MECR: variants seen among roughly 807,000 people sequenced by gnomAD.
The protein encoded by MECR is enoyl-[acyl-carrier-protein] reductase, mitochondrial.
MECR carries 37 observed loss-of-function variants against 49.1 expected under a neutral mutation model. The observed-to-expected ratio is 0.75, with a 90% CI of 0.58 to 0.99. MECR has a LOEUF of 0.99. Ranked by LOEUF, MECR falls within the 50% of genes least tolerant of loss-of-function variation. The pLI is 0.00. For missense variants in MECR, 470 were observed against 479.6 expected (o/e 0.98, Z 0.19); for synonymous variants, 198 against 191.1 (o/e 1.04, Z -0.30).
At chr1:29,224,665 A>G (rs1292952495) in intron 1 of MECR, 1 of 152,246 alleles carries the variant, frequency 6.6e-6, no homozygotes, top group Non-Finnish European at 1.5e-5. Context: ...GCATGGGGAC[A>G]GCACACATAC....
the MECR span, chr1:29,181,797 A>AGGCGGCGGCGGGCAAAGCGAGAGCACGGC: frequency 1.3e-6 from 2 of 1,498,532 alleles, no homozygotes; most frequent in Non-Finnish European, 1.8e-6. Context: ...AGCCCCCCTT[A>AGGCGGCGGCGGGCAAAGCGAGAGCACGGC]GGCGGCGGCG....
intron 4 of MECR, 147 bp downstream of exon 4, chr1:29,206,615 G>T: frequency 2.2e-6 from 2 of 902,362 alleles, no homozygotes; most frequent in Non-Finnish European, 3.3e-6. Context: ...ATCTTTCTAA[G>T]TGAAAGCAAC....
chr1:29,187,767 T>C (rs1205603903), downstream of MECR, among the ~76,000 whole-genome samples: 1 of 149,116 alleles, frequency 6.7e-6, no homozygotes, highest in African/African-American at 2.5e-5. Flanking sequence ...CCAGGCGAGG[T>C]GGCTCACGCC....
intron 7 of MECR, among the ~76,000 whole-genome samples, chr1:29,197,201 C>G (rs915770326): frequency 6.6e-6 from 1 of 152,218 alleles, no homozygotes; most frequent in Admixed American, 6.5e-5. Context: ...ATGCTCTCCC[C>G]AGATGAGCTC....
chr1:29,227,029 T>C (rs1407670831), intron 1 of MECR, among the ~76,000 whole-genome samples: 2 of 141,316 alleles, frequency 1.4e-5, no homozygotes, highest in Non-Finnish European at 3.0e-5. Context: ...TGTGGTGCAA[T>C]CTCAGCTCAC....
chr1:29,179,903 T>C, the MECR span, among the ~76,000 whole-genome samples: 1 of 152,240 alleles, frequency 6.6e-6, no homozygotes, highest in African/African-American at 2.4e-5. Context: ...ATACATTTGG[T>C]TGATGAATCA....
rs1681148598 is a variant in MECR, at chr1:29,223,017, T to C, written c.177-6332A>G. 6 of 885,034 alleles carry C rather than the reference T, an allele frequency of 6.8e-6. No individual in the cohort carries two copies. The South Asian group carries it at 2.6e-4, about 38-fold the overall frequency. 54.8% of individuals were successfully genotyped at this position (885,034 alleles called of 1,614,324 possible). ...AACCTCTAGTGTAATGATAGCAATTTCTTCCCTGTTCTTTAAAAAAACAAA... is the reference window on the plus strand; with the variant it reads ...AACCTCTAGTGTAATGATAGCAATTCCTTCCCTGTTCTTTAAAAAAACAAA... On this transcript the variant is annotated intron_variant, in intron 1 of 9. Coordinates refer to ENST00000263702, the MANE Select transcript of MECR (RefSeq NM_016011.5).
chr1:29,184,066 G>A, the MECR span, among the ~76,000 whole-genome samples: 1 of 146,880 alleles, frequency 6.8e-6, no homozygotes, highest in Non-Finnish European at 1.5e-5. Context: ...TTTTAGTAGA[G>A]AAGGGGTTTC....
intron 8 of MECR, 37 bp downstream of exon 8, chr1:29,196,161 C>T (rs1673930551): frequency 5.0e-6 from 8 of 1,613,188 alleles, no homozygotes; most frequent in African/African-American, 1.3e-5. Flanking sequence ...GGTGTCTGGC[C>T]CGGCTCCAGG....
chr1:29,171,065 TAAG>T, the MECR span: 1 of 152,148 alleles, frequency 6.6e-6, no homozygotes, highest in Non-Finnish European at 1.5e-5. Context: ...CAGGGTACTA[TAAG>T]ACCAGACGGC....
chr1:29,190,045 C>T (rs1038188192), downstream of MECR, among the ~76,000 whole-genome samples: 1 of 152,300 alleles, frequency 6.6e-6, no homozygotes, highest in East Asian at 1.9e-4. Flanking sequence ...GTTGGGGATT[C>T]TGGGTGTCAG....
chr1:29,230,673 G>C (rs1683195269), intron 1 of MECR, 58 bp downstream of exon 1: 1 of 1,531,308 alleles, frequency 6.5e-7, no homozygotes, highest in Non-Finnish European at 8.8e-7. Flanking sequence ...TCCGCAGCTC[G>C]TGTTAAAGCC....
chr1:29,214,535 T>A (rs755088205), intron 3 of MECR, among the ~76,000 whole-genome samples: 7 of 150,360 alleles, frequency 4.7e-5, no homozygotes, highest in South Asian at 4.2e-4. Flanking sequence ...CTAATTTTTT[T>A]ATTTTTATTA....
chr1:29,180,324 T>G, the MECR span, among the ~76,000 whole-genome samples: 2 of 152,232 alleles, frequency 1.3e-5, no homozygotes, highest in Non-Finnish European at 2.9e-5. Context: ...AATATATCCT[T>G]AAGAACTGAA....
downstream of MECR, among the ~76,000 whole-genome samples, chr1:29,192,317 C>T (rs1231755050): frequency 6.6e-6 from 1 of 152,160 alleles, no homozygotes; most frequent in Non-Finnish European, 1.5e-5. Context: ...CCTCTAAACT[C>T]TCATGTGCTG....
At chr1:29,198,266 T>TG (rs1000141829) in intron 7 of MECR, among the ~76,000 whole-genome samples, 1 of 152,218 alleles carries the variant, frequency 6.6e-6, no homozygotes, top group Admixed American at 6.5e-5. Flanking sequence ...GTCTGCGGCC[T>TG]GGGGGCTGGG....
At chr1:29,173,687 G>A in the MECR span, among the ~76,000 whole-genome samples, 2 of 148,018 alleles carry the variant, frequency 1.4e-5, no homozygotes, top group Non-Finnish European at 3.0e-5. Context: ...GACCTCAAGT[G>A]ATCCGCCCAC....
downstream of MECR, among the ~76,000 whole-genome samples, chr1:29,192,154 G>C (rs774172043): frequency 8.6e-5 from 13 of 151,800 alleles, no homozygotes; most frequent in Non-Finnish European, 1.5e-4. Flanking sequence ...AAAATCCCTT[G>C]GTGCCTCCCT....
intron 1 of MECR, among the ~76,000 whole-genome samples, chr1:29,229,379 A>C (rs1461525603): frequency 6.6e-6 from 1 of 151,838 alleles, no homozygotes. Flanking sequence ...ATTTTTTTGT[A>C]TTTTTAGTAG....
Sources: allele counts gnomAD v4.1 joint callset (sites outside exome capture counted in the v4.1 genomes callset), GRCh38; gene constraint gnomAD v4.1.1; transcripts MANE v1.5; gene names NCBI Gene and HGNC (gene_info 2026-07-23, HGNC 2026-07-21).